Variants in BMP6 observed in about 807,000 individuals in gnomAD.
The protein encoded by BMP6 is bone morphogenetic protein 6.
Under a neutral mutation model 54.1 loss-of-function variants are expected in BMP6, and 17 were observed. The observed-to-expected ratio is 0.31, with a 90% CI of 0.22 to 0.47. The LOEUF (loss-of-function observed/expected upper bound fraction) is 0.47. BMP6 is among the 20% of genes least tolerant of loss of function. The pLI, the probability that BMP6 is intolerant of heterozygous loss-of-function variation, is 1.00. For synonymous variants in BMP6, 328 were observed against 291.2 expected, an observed-to-expected ratio of 1.13 and a Z score of -1.28; for missense variants, 720 against 690.4, an observed-to-expected ratio of 1.04 and a Z score of -0.48.
rs150731031 is a variant in BMP6, at chr6:7,855,945, C to T, written c.858-5506C>T. ...TATATGTGAGAGTACCTAGAACAGT[C>T]GCATAGTAAACACCATGTTAAGGTT... On this transcript the variant is annotated intron_variant, in intron 2 of 6. Coordinates refer to ENST00000283147, the MANE Select transcript of BMP6 (RefSeq NM_001718.6). 1.9e-3 allele frequency among the ~76,000 whole-genome samples: 285 copies of T among 152,034 alleles called. 1 individual carries two copies. Among genetic ancestry groups the T allele is most frequent in the Non-Finnish European group, 3.5e-3 (238 of 67,988 alleles).
intron 4 of BMP6, among the ~76,000 whole-genome samples, chr6:7,873,622 G>T (rs1465631881): frequency 6.6e-6 from 1 of 152,000 alleles, no homozygotes; most frequent in Non-Finnish European, 1.5e-5. Context: ...CCCTAATCCT[G>T]TGCTTGGCTT....
intron 1 of BMP6, among the ~76,000 whole-genome samples, chr6:7,735,938 G>A (rs1021550420): frequency 1.3e-5 from 2 of 152,168 alleles, no homozygotes; most frequent in Non-Finnish European, 2.9e-5. Flanking sequence ...GTCAATGAAA[G>A]TATAAAAATT....
At chr6:7,730,711 A>G (rs7753111) in intron 1 of BMP6, among the ~76,000 whole-genome samples, 60,688 of 152,034 alleles carry the variant, frequency 0.4, 12,326 homozygotes, top group Middle Eastern at 0.51. Context: ...TTGCGTACCA[A>G]TGTTGGATTC....
Position 7,772,399 on chromosome 6 carries a change from T to C in BMP6, c.664+44780T>C, listed in dbSNP as rs533915356. Among the ~76,000 whole-genome samples the C allele has an allele frequency of 3.3e-5, 5 of 152,324 alleles. No individual in the cohort carries two copies. The East Asian group carries it at 9.6e-4, about 29-fold the overall frequency. ...GGCCCACGGCCCAATCTGTCAGTAATGAATTTATTTATTTATGATGAAATT... is the reference window on the plus strand; with the variant it reads ...GGCCCACGGCCCAATCTGTCAGTAACGAATTTATTTATTTATGATGAAATT... On this transcript the variant is annotated intron_variant, in intron 1 of 6. Coordinates refer to ENST00000283147, the MANE Select transcript of BMP6 (RefSeq NM_001718.6).
At chr6:7,832,567 A>AT (rs1164940844) in intron 1 of BMP6, among the ~76,000 whole-genome samples, 1 of 152,118 alleles carries the variant, frequency 6.6e-6, no homozygotes, top group Non-Finnish European at 1.5e-5. Flanking sequence ...GACTAAGACA[A>AT]TTACCCATTG....
At chr6:7,776,795 C>T (rs778853526) in intron 1 of BMP6, among the ~76,000 whole-genome samples, 21 of 152,138 alleles carry the variant, frequency 1.4e-4, no homozygotes, top group Non-Finnish European at 2.9e-4. Context: ...GGATCACAGG[C>T]AGATAGTATT....
At chr6:7,779,797 A>AG (rs1029316408) in intron 1 of BMP6, among the ~76,000 whole-genome samples, 10 of 152,166 alleles carry the variant, frequency 6.6e-5, no homozygotes, top group Admixed American at 2.0e-4. Flanking sequence ...ACCAAAGTGA[A>AG]GGGGGAGAGG....
chr6:7,804,382 C>CCTTT (rs930816988), intron 1 of BMP6, among the ~76,000 whole-genome samples: 50 of 152,176 alleles, frequency 3.3e-4, no homozygotes, highest in African/African-American at 8.2e-4. Flanking sequence ...CTTTCACACT[C>CCTTT]CTTTCTTTCT....
intron 1 of BMP6, among the ~76,000 whole-genome samples, chr6:7,826,173 G>A (rs1254057816): frequency 6.6e-6 from 1 of 152,198 alleles, no homozygotes; most frequent in East Asian, 1.9e-4. Context: ...CTCTGTCTGC[G>A]AGTCTGGTTG....
chr6:7,845,427 C>T, intron 2 of BMP6, 95 bp downstream of exon 2: 2 of 1,213,628 alleles, frequency 1.6e-6, no homozygotes, highest in Non-Finnish European at 2.2e-6. Flanking sequence ...TGCAGGGTGA[C>T]CTGGAGTTCA....
At chr6:7,728,400 T>G (rs1761787370) in intron 1 of BMP6, among the ~76,000 whole-genome samples, 2 of 152,130 alleles carry the variant, frequency 1.3e-5, no homozygotes, top group South Asian at 2.1e-4. Context: ...GGCGCTGAGC[T>G]CCTCTGAACC....
At chr6:7,772,283 A>G (rs943838375) in intron 1 of BMP6, among the ~76,000 whole-genome samples, 1 of 152,214 alleles carries the variant, frequency 6.6e-6, no homozygotes, top group Non-Finnish European at 1.5e-5. Context: ...CGGAAAAGGC[A>G]TAGTCCTGTT....
At chr6:7,855,840 T>C (rs1759221245) in intron 2 of BMP6, among the ~76,000 whole-genome samples, 2 of 152,014 alleles carry the variant, frequency 1.3e-5, no homozygotes, top group Non-Finnish European at 2.9e-5. Context: ...ACTTAATCTC[T>C]TTGTGCCTCA....
intron 1 of BMP6, among the ~76,000 whole-genome samples, chr6:7,840,051 C>T (rs34996673): frequency 0.076 from 11,511 of 152,208 alleles, 728 homozygotes; most frequent in African/African-American, 0.17. Flanking sequence ...GCCTGCACAG[C>T]GGCCATGCCC....
At chr6:7,757,975 A>G (rs922178498) in intron 1 of BMP6, among the ~76,000 whole-genome samples, 1 of 152,174 alleles carries the variant, frequency 6.6e-6, no homozygotes, top group African/African-American at 2.4e-5. Context: ...AAGTTTGTCT[A>G]TTTCAGAATC....
chr6:7,871,633 G>A (rs1426376719), intron 4 of BMP6, among the ~76,000 whole-genome samples: 1 of 152,220 alleles, frequency 6.6e-6, no homozygotes, highest in East Asian at 1.9e-4. Flanking sequence ...CCCTTGAGGG[G>A]GACCAGATTT....
chr6:7,743,663 A>G (rs1757302866), intron 1 of BMP6, among the ~76,000 whole-genome samples: 1 of 152,204 alleles, frequency 6.6e-6, no homozygotes, highest in Non-Finnish European at 1.5e-5. Context: ...ACTCAGAATC[A>G]AAACTTCTCC....
chr6:7,727,289 G>GAGCAGCAGCAGCAGCAGC lies in BMP6; in HGVS notation c.338_355dup (p.Gln113_Gln118dup), dbSNP rs537332654. The GAGCAGCAGCAGCAGCAGC allele has an allele frequency of 6.2e-7, 1 of 1,602,772 alleles. No individual in the cohort carries two copies. The highest frequency in any genetic ancestry group is 1.3e-5 in the African/African-American group (1 of 74,650). On this transcript the variant is annotated inframe_insertion, in exon 1 of 7. Transcript: ENST00000283147. ...GCCCCCGGCGCTCCGGCAGCAGGAG[G>GAGCAGCAGCAGCAGCAGC]AGCAGCAGCAGCAGCAGCAGCTGCC... is the stretch of plus-strand genomic sequence containing the variant.
chr6:7,813,894 G>T (rs1314237749), intron 1 of BMP6, among the ~76,000 whole-genome samples: 1 of 152,098 alleles, frequency 6.6e-6, no homozygotes, highest in African/African-American at 2.4e-5. Context: ...AAGCCCAGCT[G>T]TTCTTAGATG....
Sources: allele counts gnomAD v4.1 joint callset (sites outside exome capture counted in the v4.1 genomes callset), GRCh38; gene constraint gnomAD v4.1.1; transcripts MANE v1.5; gene names NCBI Gene and HGNC (gene_info 2026-07-23, HGNC 2026-07-21).